The following CAMK1D variants were observed in gnomAD, a reference collection of about 807,000 sequenced individuals.
CAMK1D encodes calcium/calmodulin dependent protein kinase ID, also known as calcium/calmodulin-dependent protein kinase type 1D.
A neutral mutation model predicts 47.7 loss-of-function variants in CAMK1D; 9 were observed. That is an observed-to-expected ratio of 0.19 (90% CI 0.11 to 0.33). CAMK1D has a LOEUF of 0.33. Ranked by LOEUF, CAMK1D falls within the 10% of genes least tolerant of loss-of-function variation. The probability of loss-of-function intolerance (pLI) is 1.00; values close to 1 mark genes in which losing one functional copy is unlikely to be tolerated. For missense variants in CAMK1D, 291 were observed against 488.7 expected (o/e 0.60, Z 3.81); for synonymous variants, 184 against 184.9 (o/e 0.99, Z 0.04).
chr10:12,590,075 G>A (rs138046243), intron 2 of CAMK1D, among the ~76,000 whole-genome samples: 1 of 152,286 alleles, frequency 6.6e-6, no homozygotes, highest in African/African-American at 2.4e-5. Flanking sequence ...GGGAGGCCGT[G>A]CAGCCTGTAC....
intron 1 of CAMK1D, among the ~76,000 whole-genome samples, chr10:12,552,785 A>T (rs1836627132): frequency 6.6e-6 from 1 of 152,200 alleles, no homozygotes; most frequent in African/African-American, 2.4e-5. Context: ...TCTGTCGCCC[A>T]GGCTGGAGTG....
chr10:12,624,512 T>C (rs951763691), intron 2 of CAMK1D, among the ~76,000 whole-genome samples: 2 of 152,222 alleles, frequency 1.3e-5, no homozygotes, highest in Admixed American at 1.3e-4. Context: ...TGTCCTTTTG[T>C]GACCGGCCCA....
intron 2 of CAMK1D, among the ~76,000 whole-genome samples, chr10:12,620,670 G>A (rs1245040988): frequency 1.3e-5 from 2 of 152,080 alleles, no homozygotes; most frequent in East Asian, 1.9e-4. Flanking sequence ...CTGAATATTC[G>A]TCCCCTGTGG....
At chr10:12,689,902 A>G (rs539055068) in intron 3 of CAMK1D, among the ~76,000 whole-genome samples, 3 of 152,318 alleles carry the variant, frequency 2.0e-5, no homozygotes, top group Admixed American at 2.0e-4. Flanking sequence ...TTTATGGTTC[A>G]TTCTGGTTTG....
intron 1 of CAMK1D, among the ~76,000 whole-genome samples, chr10:12,409,099 T>C (rs576792308): frequency 6.6e-6 from 1 of 152,164 alleles, no homozygotes; most frequent in African/African-American, 2.4e-5. Flanking sequence ...TCAAATGATC[T>C]GCCTGCCTCA....
At chr10:12,825,775 C>T (rs1833184365) in intron 10 of CAMK1D, 85 bp downstream of exon 10, 2 of 1,596,488 alleles carry the variant, frequency 1.3e-6, no homozygotes, top group Non-Finnish European at 1.7e-6. Context: ...ATCTGCCGAG[C>T]ACCTCCTGTT....
chr10:12,380,200 G>A (rs1012496057), intron 1 of CAMK1D, among the ~76,000 whole-genome samples: 1 of 152,100 alleles, frequency 6.6e-6, no homozygotes, highest in Non-Finnish European at 1.5e-5. Flanking sequence ...GGGTGACAGA[G>A]CGAGACTCTA....
chr10:12,761,287 A>G (rs988981552), intron 4 of CAMK1D, among the ~76,000 whole-genome samples: 1 of 152,220 alleles, frequency 6.6e-6, no homozygotes, highest in African/African-American at 2.4e-5. Context: ...GAAGATTCAC[A>G]TGGCTGGCCA....
chr10:12,673,459 A>C (rs1301272189), intron 3 of CAMK1D, among the ~76,000 whole-genome samples: 3 of 152,160 alleles, frequency 2.0e-5, no homozygotes, highest in Non-Finnish European at 4.4e-5. Context: ...CTAGCATATA[A>C]AAATATAATT....
At chr10:12,430,549 GTC>G (rs1369042289) in intron 1 of CAMK1D, among the ~76,000 whole-genome samples, 1 of 152,218 alleles carries the variant, frequency 6.6e-6, no homozygotes, top group Non-Finnish European at 1.5e-5. Flanking sequence ...ACACACCAGA[GTC>G]TGAGAACGAG....
At chr10:12,662,564 A>G (rs1410387142) in intron 2 of CAMK1D, among the ~76,000 whole-genome samples, 3 of 151,578 alleles carry the variant, frequency 2.0e-5, no homozygotes, top group Non-Finnish European at 1.5e-5. Context: ...AGGCAGGGGA[A>G]TGGCATGAAC....
chr10:12,728,014 C>T (rs1391219288), intron 3 of CAMK1D, among the ~76,000 whole-genome samples: 2 of 152,174 alleles, frequency 1.3e-5, no homozygotes, highest in Non-Finnish European at 1.5e-5. Context: ...GATCCGCCCG[C>T]CTCGGCCTCC....
In CAMK1D at chr10:12,615,397, C is replaced by T. The variant is rs141105968; in HGVS notation, c.225-51339C>T. On this transcript the variant is annotated intron_variant, in intron 2 of 10. Transcript: ENST00000619168. Reference sequence around the variant, plus strand: ...GGAAGGAAGTTGTTCAAATTCTTTGCCCTTCTTTGGAAATGGAACTTAGGG... The same window carrying T: ...GGAAGGAAGTTGTTCAAATTCTTTGTCCTTCTTTGGAAATGGAACTTAGGG... Among the ~76,000 whole-genome samples the T allele has an allele frequency of 1.8e-3, 273 of 152,216 alleles. 2 individuals are homozygous for T. Among genetic ancestry groups the T allele is most frequent in the African/African-American group, 5.2e-3 (214 of 41,516 alleles).
intron 1 of CAMK1D, among the ~76,000 whole-genome samples, chr10:12,541,889 T>TCCTTCCTTCCTTCCTTCCTTCCTTCC (rs760116191): frequency 1.1e-4 from 15 of 141,946 alleles, no homozygotes; most frequent in East Asian, 4.1e-4. Flanking sequence ...CTTCCTTCCT[T>TCCTTCCTTCCTTCCTTCCTTCCTTCC]TTTTTTTTTC....
chr10:12,689,113 A>G (rs1470994535), intron 3 of CAMK1D, among the ~76,000 whole-genome samples: 1 of 152,192 alleles, frequency 6.6e-6, no homozygotes, highest in Non-Finnish European at 1.5e-5. Context: ...CCTGCTTCAT[A>G]CAACTTGGAC....
intron 6 of CAMK1D, among the ~76,000 whole-genome samples, chr10:12,796,192 G>C (rs1482487372): frequency 6.6e-6 from 1 of 152,190 alleles, no homozygotes; most frequent in East Asian, 1.9e-4. Context: ...TAACAGCTGA[G>C]AAGGATCCTA....
chr10:12,617,297 C>T (rs536062741), intron 2 of CAMK1D, among the ~76,000 whole-genome samples: 3 of 152,144 alleles, frequency 2.0e-5, no homozygotes, highest in East Asian at 1.9e-4. Context: ...AATGTGTATT[C>T]CTAGAAGACA....
intron 1 of CAMK1D, among the ~76,000 whole-genome samples, chr10:12,536,136 C>T (rs1462799542): frequency 6.6e-6 from 1 of 151,160 alleles, no homozygotes. Context: ...CAAATTTACC[C>T]AAAAGTGTAG....
At chr10:12,468,831 C>T (rs936082728) in intron 1 of CAMK1D, among the ~76,000 whole-genome samples, 4 of 152,168 alleles carry the variant, frequency 2.6e-5, no homozygotes. Context: ...AAGAATTAGC[C>T]TCTGTCTTTG....
Sources: gnomAD v4.1 joint callset for allele counts (sites outside exome capture counted in the v4.1 genomes callset) on GRCh38, gnomAD v4.1.1 for gene constraint, MANE v1.5 for transcripts, NCBI Gene and HGNC (gene_info 2026-07-23, HGNC 2026-07-21) for gene names.